Variants in GSTCD observed in about 807,000 individuals in gnomAD.
The protein encoded by GSTCD is glutathione S-transferase C-terminal domain containing.
GSTCD carries 44 observed loss-of-function variants against 68.3 expected under a neutral mutation model. That is an observed-to-expected ratio of 0.64 (90% CI 0.51 to 0.83). The LOEUF is 0.83. GSTCD is among the 40% of genes least tolerant of loss of function. The probability of loss-of-function intolerance (pLI) is 0.00; values close to 1 mark genes in which losing one functional copy is unlikely to be tolerated. For missense variants in GSTCD, 739 were observed against 735.9 expected, an observed-to-expected ratio of 1.00 and a Z score of -0.05; for synonymous variants, 273 against 255.2, an observed-to-expected ratio of 1.07 and a Z score of -0.67.
chr4:105,730,080 T>A (rs1233412841), intron 5 of GSTCD, among the ~76,000 whole-genome samples: 1 of 152,226 alleles, frequency 6.6e-6, no homozygotes, highest in Non-Finnish European at 1.5e-5. Context: ...ACTCATCCTT[T>A]TTTATGGCTG....
At chr4:105,726,916 C>A in intron 4 of GSTCD, 86 bp downstream of exon 4, 1 of 1,095,514 alleles carries the variant, frequency 9.1e-7, no homozygotes, top group Non-Finnish European at 1.3e-6. Context: ...CATTTGTTGA[C>A]ATTATTTTTG....
At chr4:105,809,434 C>T (rs967927175) in intron 5 of GSTCD, among the ~76,000 whole-genome samples, 1 of 152,094 alleles carries the variant, frequency 6.6e-6, no homozygotes, top group Admixed American at 6.6e-5. Context: ...ATACACCTTA[C>T]TCTCTCACTT....
chr4:105,727,690 C>CA lies in GSTCD; in HGVS notation c.1146+872dup, dbSNP rs565298989. Among the ~76,000 whole-genome samples the CA allele has an allele frequency of 4.8e-3, 651 of 135,320 alleles. 4 individuals carry two copies. Among genetic ancestry groups the CA allele is most frequent in the African/African-American group, 0.012 (446 of 36,910 alleles). 88.8% of individuals were successfully genotyped at this position (135,320 alleles called of 152,430 possible). On this transcript the variant is annotated intron_variant, in intron 4 of 11. Transcript: ENST00000515279. ...TGGGTGACAGAGTGAAACCCTGTTT[C>CA]AAAAAAAAAAAAGAATGCATATGCT...
chr4:105,724,666 A>G (rs1416365399), intron 3 of GSTCD, among the ~76,000 whole-genome samples: 1 of 151,910 alleles, frequency 6.6e-6, no homozygotes, highest in Non-Finnish European at 1.5e-5. Context: ...TAATAGTACA[A>G]GCTCTCCATT....
intron 5 of GSTCD, chr4:105,753,424 A>G (rs1318939771): frequency 1.3e-5 from 2 of 152,106 alleles, no homozygotes; most frequent in African/African-American, 4.8e-5. Context: ...TATAAATTAT[A>G]TATACAGTTG....
At chr4:105,717,569 TA>T in intron 1 of GSTCD, 23 bp from the exon 2 acceptor site, 1 of 1,313,290 alleles carries the variant, frequency 7.6e-7, no homozygotes, top group Non-Finnish European at 1.1e-6. Context: ...TCTAAGACCA[TA>T]ATCACTTCAA....
intron 5 of GSTCD, among the ~76,000 whole-genome samples, chr4:105,797,760 C>CTTTT (rs70941218): frequency 1.9e-4 from 16 of 84,950 alleles, no homozygotes; most frequent in African/African-American, 3.8e-4. Context: ...CACAATAGAA[C>CTTTT]TTTTTTTTTT....
At position 105,714,843 on chromosome 4, in the gene GSTCD, G is replaced by A. The variant is rs1466879398; in HGVS notation, c.-21-2750G>A. 2.6e-5 allele frequency among the ~76,000 whole-genome samples: 4 copies of A among 152,204 alleles called. No individual in the cohort carries two copies. The East Asian group carries it at 7.7e-4, about 29-fold the overall frequency. On this transcript the variant is annotated intron_variant, in intron 1 of 11. Coordinates refer to ENST00000515279, the MANE Select transcript of GSTCD (RefSeq NM_001370181.1). The stretch of plus-strand genomic sequence containing the variant: ...TTTAGCATTTTATTAAGTGCTAACA[G>A]TGAGAAGAGTTTATAGAATATGTCT...
intron 5 of GSTCD, among the ~76,000 whole-genome samples, chr4:105,769,707 T>C (rs889759755): frequency 6.6e-6 from 1 of 152,200 alleles, no homozygotes; most frequent in Non-Finnish European, 1.5e-5. Flanking sequence ...CCACATTTTT[T>C]ACCCCTGATT....
Position 105,708,978 on chromosome 4 carries a change from TCAC to T in GSTCD, c.-59_-57del, listed in dbSNP as rs1732415007. ...CAGGCGGCCCAGGTCGCCGACACGCTCACGCACCCTCCCTGCCTGGCCGCGCCT... is the reference window on the plus strand; with the variant it reads ...CAGGCGGCCCAGGTCGCCGACACGCTGCACCCTCCCTGCCTGGCCGCGCCT... On this transcript the variant is annotated 5_prime_UTR_variant, in exon 1 of 12. Coordinates refer to ENST00000515279, the MANE Select transcript of GSTCD (RefSeq NM_001370181.1). 6.6e-6 allele frequency: 1 copy of T among 152,616 alleles called. No individual in the cohort carries two copies. Among genetic ancestry groups the T allele is most frequent in the African/African-American group, 2.4e-5 (1 of 41,432 alleles). 9.5% of individuals were successfully genotyped at this position (152,616 alleles called of 1,614,324 possible).
At position 105,845,553 on chromosome 4, in the gene GSTCD, CAT is replaced by C. The variant is rs761811138; in HGVS notation, c.1879_1880del (p.Met627AspfsTer9). The C allele has an allele frequency of 6.2e-7, 1 of 1,614,054 alleles. No homozygotes were observed. Among genetic ancestry groups the C allele is most frequent in the Non-Finnish European group, 8.5e-7 (1 of 1,179,954 alleles). ...CAGAGAGCTGCTCTCCCAAAAATAA[CAT>C]GATTGTGGGAGTCCCCATTTAAAAT... The part of the protein sequence containing the change: ...EPESCSPKNN[M>X]IVGVPI On this transcript the variant is annotated frameshift_variant, in exon 12 of 12. Transcript: ENST00000515279. LOFTEE classifies it high-confidence loss of function.
chr4:105,837,670 T>C (rs765525646), intron 9 of GSTCD, among the ~76,000 whole-genome samples, 189 bp from the exon 10 acceptor site: 4 of 152,228 alleles, frequency 2.6e-5, no homozygotes, highest in Non-Finnish European at 5.9e-5. Flanking sequence ...TTCTTAAAAT[T>C]AATAACATAT....
chr4:105,812,097 A>T (rs1054977733), intron 5 of GSTCD, among the ~76,000 whole-genome samples: 7 of 152,312 alleles, frequency 4.6e-5, no homozygotes, highest in East Asian at 3.9e-4. Context: ...TGATGTTTCA[A>T]ACCATAAGAG....
rs2149210532 is a variant in GSTCD at position 105,726,803 on chromosome 4, A to G, written c.1119A>G (p.Gly373=). 1 of 1,610,932 alleles carries G rather than the reference A, an allele frequency of 6.2e-7. No individual in the cohort carries two copies. Among genetic ancestry groups the G allele is most frequent in the Non-Finnish European group, 8.5e-7 (1 of 1,178,624 alleles). ...AAAGCGATCCTTTATTTATAGGAGG[A>G]CCAAGACCAACCATGGCCAAGTTAA... ...EEQSDPLFIG[G]PRPTMAKLME... The change falls in exon 4 of 12, where the codon GGA becomes GGG. Residue 373 remains glycine (G), a synonymous_variant. Coordinates refer to ENST00000515279, the MANE Select transcript of GSTCD (RefSeq NM_001370181.1).
At chr4:105,745,067 C>G (rs1421954850) in intron 5 of GSTCD, among the ~76,000 whole-genome samples, 1 of 152,106 alleles carries the variant, frequency 6.6e-6, no homozygotes, top group Non-Finnish European at 1.5e-5. Context: ...ATTCTTCCTG[C>G]TTTTTCCAAA....
At chr4:105,838,577 G>C (rs929954686) in intron 10 of GSTCD, among the ~76,000 whole-genome samples, 2 of 152,152 alleles carry the variant, frequency 1.3e-5, no homozygotes, top group East Asian at 3.9e-4. Context: ...GCCAAACCTT[G>C]CTGACCATTG....
intron 5 of GSTCD, among the ~76,000 whole-genome samples, chr4:105,730,554 C>G (rs1403938714): frequency 6.6e-6 from 1 of 152,166 alleles, no homozygotes; most frequent in African/African-American, 2.4e-5. Context: ...TGAGAAGTGT[C>G]TGTTCATATC....
intron 10 of GSTCD, among the ~76,000 whole-genome samples, chr4:105,839,670 G>A (rs1353874788): frequency 6.6e-6 from 1 of 151,558 alleles, no homozygotes. Context: ...GAGGAGAGAA[G>A]AAAGAGAGGA....
At chr4:105,825,524 C>A in intron 7 of GSTCD, 148 bp from the exon 8 acceptor site, 1 of 458,298 alleles carries the variant, frequency 2.2e-6, no homozygotes. Flanking sequence ...CTTTCTGTAC[C>A]AGATTATGTG....
Sources: gnomAD v4.1 joint callset for allele counts (sites outside exome capture counted in the v4.1 genomes callset) on GRCh38, gnomAD v4.1.1 for gene constraint, MANE v1.5 for transcripts, NCBI Gene and HGNC (gene_info 2026-07-23, HGNC 2026-07-21) for gene names.